Variants in JCAD observed in about 807,000 individuals in gnomAD.
JCAD encodes the protein junctional cadherin 5 associated, also known as junctional cadherin 5-associated protein.
Under a neutral mutation model 98.0 loss-of-function variants are expected in JCAD, and 40 were observed. That is an observed-to-expected ratio of 0.41 (90% CI 0.32 to 0.53). The LOEUF is 0.53. Ranked by LOEUF, JCAD falls within the 20% of genes least tolerant of loss-of-function variation. JCAD has a pLI of 0.31. For missense variants in JCAD, 1,705 were observed against 1,738.1 expected (o/e 0.98, Z 0.34); for synonymous variants, 691 against 682.3 (o/e 1.01, Z -0.20).
intron 1 of JCAD, among the ~76,000 whole-genome samples, chr10:30,057,235 C>G (rs1162667242): frequency 6.6e-6 from 1 of 152,194 alleles, no homozygotes; most frequent in East Asian, 1.9e-4. Context: ...CTAAGGATGA[C>G]TGGTGTTTAC....
intron 2 of JCAD, 34 bp downstream of exon 2, chr10:30,047,498 C>A: frequency 6.3e-7 from 1 of 1,585,982 alleles, no homozygotes; most frequent in South Asian, 1.1e-5. Context: ...ACTCCTGAGT[C>A]AAAAGAAAAC....
chr10:30,027,832 G>C lies in JCAD; in HGVS notation c.2316C>G (p.Asp772Glu), dbSNP rs775821003. Residue 772 changes from aspartate (D) to glutamate (E), a missense_variant, in exon 3 of 4, where the codon GAC (aspartate) becomes GAG (glutamate). Coordinates refer to ENST00000375377, the MANE Select transcript of JCAD (RefSeq NM_020848.4). ...SAFSRTSLSV[D>E]QAPTPKAGRS... is the part of the protein sequence containing the mutation. ...GGCCTGCTTTTGGCGTCGGTGCCTG[G>C]TCCACGGACAAGGAAGTCCTTGAGA... The C allele has an allele frequency of 6.2e-7, 1 of 1,614,284 alleles. No individual in the cohort carries two copies. Among genetic ancestry groups the C allele is most frequent in the South Asian group, 1.1e-5 (1 of 91,092 alleles).
In JCAD at chr10:30,048,146, C is replaced by T. The variant is rs112817448; in HGVS notation, c.-59-275G>A. ...GCCTCTGGTAGAAGAGCATGTGGCA[C>T]GGTGCTTAAGCAGTGACATGATTAA... On this transcript the variant is annotated intron_variant, in intron 1 of 3. Transcript: ENST00000375377. 4.2e-3 allele frequency among the ~76,000 whole-genome samples: 635 copies of T among 152,236 alleles called. 9 individuals carry two copies. Among genetic ancestry groups the T allele is most frequent in the African/African-American group, 0.014 (583 of 41,536 alleles).
chr10:30,061,102 C>T (rs925606369), upstream of JCAD, among the ~76,000 whole-genome samples: 1 of 152,176 alleles, frequency 6.6e-6, no homozygotes, highest in African/African-American at 2.4e-5. Context: ...TTCTCTGCCA[C>T]TTTCTAGATG....
At chr10:30,052,275 A>G (rs1837486298) in intron 1 of JCAD, among the ~76,000 whole-genome samples, 1 of 152,184 alleles carries the variant, frequency 6.6e-6, no homozygotes, top group African/African-American at 2.4e-5. Context: ...ACTGCACAGG[A>G]GGAAAGGAGA....
chr10:30,099,807 A>G (rs1482889355), intron 1 of JCAD, among the ~76,000 whole-genome samples: 1 of 152,120 alleles, frequency 6.6e-6, no homozygotes, highest in Non-Finnish European at 1.5e-5. Context: ...ACTTCCTCGT[A>G]AAGTAACCTT....
At chr10:30,051,308 A>AC (rs397784318) in intron 1 of JCAD, among the ~76,000 whole-genome samples, 4 of 150,874 alleles carry the variant, frequency 2.7e-5, no homozygotes, top group African/African-American at 4.9e-5. Context: ...ACACACACAC[A>AC]AGAGTTGATG....
intron 1 of JCAD, among the ~76,000 whole-genome samples, chr10:30,110,782 A>T (rs1474247105): frequency 1.3e-5 from 2 of 151,828 alleles, no homozygotes; most frequent in African/African-American, 2.4e-5. Flanking sequence ...GGACCAGTTG[A>T]TGTATGGACC....
In JCAD at chr10:30,028,772, G is replaced by A. The variant is rs1247849281; in HGVS notation, c.1376C>T (p.Thr459Ile). The A allele has an allele frequency of 6.2e-7, 1 of 1,614,256 alleles. No homozygotes were observed. Among genetic ancestry groups the A allele is most frequent in the East Asian group, 2.2e-5 (1 of 44,890 alleles). The change falls in exon 3 of 4, where the codon ACT becomes ATT. Residue 459 changes from threonine (T) to isoleucine (I), a missense_variant. By Grantham distance (89) the Thr-to-Ile change is moderately conservative. Coordinates refer to ENST00000375377, the MANE Select transcript of JCAD (RefSeq NM_020848.4). ...DDKSYNSSPVTAQEPAHGGMQ... is the reference protein window; with the variant it reads ...DDKSYNSSPVIAQEPAHGGMQ... ...TCCTCCATGAGCCGGCTCTTGAGCA[G>A]TGACAGGACTGGAGTTATATGATTT...
chr10:30,110,413 C>T (rs987145934), intron 1 of JCAD, among the ~76,000 whole-genome samples: 14 of 152,022 alleles, frequency 9.2e-5, no homozygotes, highest in Admixed American at 5.9e-4. Context: ...GTGTATGGAC[C>T]GGCTAATGTA....
intron 3 of JCAD, among the ~76,000 whole-genome samples, chr10:30,025,444 G>A (rs1316410986): frequency 6.6e-6 from 1 of 151,324 alleles, no homozygotes; most frequent in Admixed American, 6.6e-5. Context: ...CTTGCACCCA[G>A]GAGGCGGAGG....
In JCAD at chr10:30,026,141, T is replaced by G; in HGVS notation, c.4007A>C (p.Gln1336Pro). The G allele has an allele frequency of 6.2e-7, 1 of 1,614,246 alleles. No homozygotes were observed. Among genetic ancestry groups the G allele is most frequent in the Non-Finnish European group, 8.5e-7 (1 of 1,180,050 alleles). The change falls in exon 3 of 4, where the codon CAA (glutamine) becomes CCA (proline). Residue 1336 changes from glutamine (Q) to proline (P), a missense_variant. Coordinates refer to ENST00000375377, the MANE Select transcript of JCAD (RefSeq NM_020848.4). ...SREEKEHPAAQKEKSMDQDFW... is the reference protein window; with the variant it reads ...SREEKEHPAAPKEKSMDQDFW... ...GTCTTGATCCATGCTCTTCTCCTTT[T>G]GTGCTGCCGGATGCTCCTTCTCTTC...
chr10:30,108,105 G>C (rs1418879122), intron 1 of JCAD, among the ~76,000 whole-genome samples: 2 of 152,100 alleles, frequency 1.3e-5, no homozygotes, highest in African/African-American at 4.8e-5. Flanking sequence ...TTGAGGTCAT[G>C]AGTTTGAGAC....
At chr10:30,047,075 A>G (rs1047332477) in intron 2 of JCAD, among the ~76,000 whole-genome samples, 1 of 152,196 alleles carries the variant, frequency 6.6e-6, no homozygotes, top group Non-Finnish European at 1.5e-5. Flanking sequence ...CAACAGAGTG[A>G]GACCTTGTCT....
At chr10:30,089,513 C>CGTGTGCGTGT (rs145546334) in intron 1 of JCAD, among the ~76,000 whole-genome samples, 1 of 142,954 alleles carries the variant, frequency 7.0e-6, no homozygotes, top group African/African-American at 2.6e-5. Context: ...ATGCTTCTTC[C>CGTGTGCGTGT]GTGTGTGTGT....
At chr10:30,107,712 C>T (rs1838611785) in intron 1 of JCAD, among the ~76,000 whole-genome samples, 1 of 152,158 alleles carries the variant, frequency 6.6e-6, no homozygotes, top group African/African-American at 2.4e-5. Flanking sequence ...GGTCCAAGAA[C>T]CCTCTCTTGG....
chr10:30,039,419 C>T (rs1288950480), intron 2 of JCAD, among the ~76,000 whole-genome samples: 1 of 152,248 alleles, frequency 6.6e-6, no homozygotes, highest in Non-Finnish European at 1.5e-5. Context: ...CCGGCCTCGG[C>T]TTCTGATGCC....
Position 30,026,375 on chromosome 10 carries a change from C to T in JCAD, c.3773G>A (p.Arg1258His), listed in dbSNP as rs376613633. Residue 1258 changes from arginine to histidine, a missense_variant, in exon 3 of 4, where the codon CGC (arginine) becomes CAC (histidine). This residue lies in a region of JCAD where 1,278 missense variants were observed against 1,243.1 expected (regional missense o/e 1.03). Coordinates refer to ENST00000375377, the MANE Select transcript of JCAD (RefSeq NM_020848.4). ...GCTCACCTCTTTCATTCTCATCAGG[C>T]GGTCAGGGTCTGCTCTCCTAGGCGG... ...ASPPRRADPD[R>H]LMRMKEVSSV... The T allele has an allele frequency of 2.5e-5, 41 of 1,614,084 alleles. No individual in the cohort carries two copies. The highest frequency in any genetic ancestry group is 1.9e-4 in the African/African-American group (14 of 74,926).
At chr10:30,040,228 G>T (rs1358435496) in intron 2 of JCAD, among the ~76,000 whole-genome samples, 2 of 152,138 alleles carry the variant, frequency 1.3e-5, no homozygotes, top group Non-Finnish European at 1.5e-5. Context: ...CTCCTCCTGG[G>T]GATGGCTGGT....
Sources: allele counts gnomAD v4.1 joint callset (sites outside exome capture counted in the v4.1 genomes callset), GRCh38; gene constraint gnomAD v4.1.1; regional missense constraint gnomAD v4.1.1; transcripts MANE v1.5; gene names NCBI Gene and HGNC (gene_info 2026-07-23, HGNC 2026-07-21).